Variants in SERPINA11 observed in about 807,000 individuals in gnomAD.
SERPINA11 encodes serpin A11.
A neutral mutation model predicts 29.4 loss-of-function variants in SERPINA11; 28 were observed. That is an observed-to-expected ratio of 0.95 (90% CI 0.70 to 1.30). The LOEUF (loss-of-function observed/expected upper bound fraction) is 1.30. Ranked by LOEUF, SERPINA11 falls within the 50% of genes most tolerant of loss-of-function variation. The pLI, the probability that SERPINA11 is intolerant of heterozygous loss-of-function variation, is 0.00. For missense variants in SERPINA11, 530 were observed against 507.3 expected, an observed-to-expected ratio of 1.04 and a Z score of -0.43; for synonymous variants, 253 against 206.6, an observed-to-expected ratio of 1.22 and a Z score of -1.92.
Position 94,448,599 on chromosome 14 carries a change from A to G in SERPINA11, c.176T>C (p.Leu59Ser). 6.2e-6 allele frequency: 10 copies of G among 1,613,716 alleles called. No homozygotes were observed. The highest frequency in any genetic ancestry group is 8.5e-6 in the Non-Finnish European group (10 of 1,179,698). ...TGCTGCCAGCTCTTTATACAAACGC[A>G]AAGCAAAATTGGTAATGGTGGGTGT... The part of the protein sequence containing the change: ...RITPTITNFA[L>S]RLYKELAADA... Residue 59 changes from leucine (L) to serine (S), a missense_variant, in exon 2 of 5, where the codon TTG (leucine) becomes TCG (serine). Physicochemically the swap from Leu to Ser is moderately radical, Grantham distance 145. Coordinates refer to ENST00000334708, the MANE Select transcript of SERPINA11 (RefSeq NM_001080451.2).
chr14:94,442,599 A>G lies in SERPINA11; in HGVS notation c.*7T>C. 3.1e-6 allele frequency: 5 copies of G among 1,599,802 alleles called. 1 individual carries two copies. The highest frequency in any genetic ancestry group is 4.5e-5 in the East Asian group (2 of 44,366). Reference sequence around the variant, plus strand: ...GAGATAAGATAACTCCTGGCCTCCCACCATGGTTACCCTGCAACTGGGTTG... The same window carrying G: ...GAGATAAGATAACTCCTGGCCTCCCGCCATGGTTACCCTGCAACTGGGTTG... On this transcript the variant is annotated 3_prime_UTR_variant, in exon 5 of 5. Transcript: ENST00000334708.
intron 2 of SERPINA11, among the ~76,000 whole-genome samples, chr14:94,447,838 T>A (rs1399110852): frequency 6.6e-6 from 1 of 152,250 alleles, no homozygotes; most frequent in Non-Finnish European, 1.5e-5. Flanking sequence ...CTCACTCTCA[T>A]GTCTTAGCTT....
At chr14:94,448,085 T>A (rs1898480478) in intron 2 of SERPINA11, 47 bp downstream of exon 2, 1 of 1,573,458 alleles carries the variant, frequency 6.4e-7, no homozygotes, top group African/African-American at 1.4e-5. Flanking sequence ...TGTAAGAGCA[T>A]TTACTTGCAG....
Position 94,448,040 on chromosome 14 carries a change from G to A in SERPINA11, c.643+92C>T, listed in dbSNP as rs538363959. ...CTATCTTATTCATAGATTTCCCCAA[G>A]TGGTTAGCAAAGAACCTATTAGCTG... On this transcript the variant is annotated intron_variant, in intron 2 of 4. Transcript: ENST00000334708. 2.9e-5 allele frequency: 36 copies of A among 1,229,458 alleles called. No homozygotes were observed. In the Admixed American group the frequency reaches 7.4e-4, roughly 25 times the overall value. The allele number at this position is 1,229,458 out of a possible 1,614,324, so 76.2% of individuals were successfully genotyped here.
At chr14:94,452,500 T>C (rs1311803214) in intron 1 of SERPINA11, among the ~76,000 whole-genome samples, 1 of 151,918 alleles carries the variant, frequency 6.6e-6, no homozygotes, top group Non-Finnish European at 1.5e-5. Context: ...AAAAGGAGAT[T>C]GAAAACCTGA....
intron 3 of SERPINA11, among the ~76,000 whole-genome samples, chr14:94,444,556 C>T (rs1269137539): frequency 6.6e-6 from 1 of 152,044 alleles, no homozygotes; most frequent in African/African-American, 2.4e-5. Context: ...GGAGAAGACT[C>T]ACCCCAAAGG....
At chr14:94,452,628 C>G in intron 1 of SERPINA11, 101 bp downstream of exon 1, 1 of 150,758 alleles carries the variant, frequency 6.6e-6, no homozygotes, top group Non-Finnish European at 1.5e-5. Flanking sequence ...CACACACACA[C>G]ACACACACAC....
In SERPINA11 at chr14:94,449,501, CTCTTTCTTTT is replaced by C. The variant is rs1315654896; in HGVS notation, c.-3-734_-3-725del. On this transcript the variant is annotated intron_variant, in intron 1 of 4. Transcript: ENST00000334708. Reference sequence around the variant, plus strand: ...TCTTTCTGTCTGTCTGTCTTTCTTTCTCTTTCTTTTTCTTTCTTTCTTTCTTTTTCTTTCT... The same window carrying C: ...TCTTTCTGTCTGTCTGTCTTTCTTTCTCTTTCTTTCTTTCTTTTTCTTTCT... 1.3e-3 allele frequency among the ~76,000 whole-genome samples: 150 copies of C among 115,050 alleles called. 9 individuals are homozygous for C. The East Asian group carries it at 0.036, about 28-fold the overall frequency. The allele number at this position is 115,050 out of a possible 152,430, so 75.5% of individuals were successfully genotyped here.
In SERPINA11 at chr14:94,445,490, A is replaced by G. The variant is rs549316524; in HGVS notation, c.917+841T>C. 5.0e-4 allele frequency among the ~76,000 whole-genome samples: 76 copies of G among 152,346 alleles called. 1 individual carries two copies. The highest frequency in any genetic ancestry group is 1.8e-3 in the African/African-American group (74 of 41,582). On this transcript the variant is annotated intron_variant, in intron 3 of 4. Transcript: ENST00000334708. Reference sequence around the variant, plus strand: ...GAGATCACATAAAACAGGAACTTTAATGTTTACAATGTTCTTAATATTTAA... The same window carrying G: ...GAGATCACATAAAACAGGAACTTTAGTGTTTACAATGTTCTTAATATTTAA...
intron 1 of SERPINA11, among the ~76,000 whole-genome samples, chr14:94,449,501 CTCTTTCTTTTTCTT>C (rs1271554658): frequency 2.3e-4 from 26 of 115,036 alleles, no homozygotes; most frequent in South Asian, 2.9e-4. Context: ...GTCTTTCTTT[CTCTTTCTTTTTCTT>C]TCTTTCTTTC....
chr14:94,451,618 G>A (rs1001730900), intron 1 of SERPINA11, among the ~76,000 whole-genome samples: 17 of 152,166 alleles, frequency 1.1e-4, no homozygotes, highest in Admixed American at 4.6e-4. Context: ...TTCCCAAAGG[G>A]GATTCAATTG....
Position 94,442,535 on chromosome 14 carries a change from G to T in SERPINA11, c.*71C>A. 2.7e-6 allele frequency: 3 copies of T among 1,104,398 alleles called. No homozygotes were observed. Among genetic ancestry groups the T allele is most frequent in the Non-Finnish European group, 3.9e-6 (3 of 763,080 alleles). The allele number at this position is 1,104,398 out of a possible 1,614,324, so 68.4% of individuals were successfully genotyped here. The stretch of plus-strand genomic sequence containing the variant: ...TAACTGAACCACATAGCAGCCCCAG[G>T]ATGCAGGCTGGTTCTGGCCTATCTG... On this transcript the variant is annotated 3_prime_UTR_variant, in exon 5 of 5. Coordinates refer to ENST00000334708, the MANE Select transcript of SERPINA11 (RefSeq NM_001080451.2).
At position 94,449,511 on chromosome 14, in the gene SERPINA11, T is replaced by C. The variant is rs56269030; in HGVS notation, c.-3-734A>G. Among the ~76,000 whole-genome samples, 257 of 89,344 alleles carry C rather than the reference T, an allele frequency of 2.9e-3. 2 individuals are homozygous for C. Among genetic ancestry groups the C allele is most frequent in the Middle Eastern group, 4.8e-3 (1 of 208 alleles). The allele number at this position is 89,344 out of a possible 152,430, so 58.6% of individuals were successfully genotyped here. The stretch of plus-strand genomic sequence containing the variant: ...TGTCTGTCTTTCTTTCTCTTTCTTT[T>C]TCTTTCTTTCTTTCTTTTTCTTTCT... On this transcript the variant is annotated intron_variant, in intron 1 of 4. Coordinates refer to ENST00000334708, the MANE Select transcript of SERPINA11 (RefSeq NM_001080451.2).
At chr14:94,443,477 A>G (rs562838768) in intron 3 of SERPINA11, among the ~76,000 whole-genome samples, 6 of 152,284 alleles carry the variant, frequency 3.9e-5, no homozygotes, top group Admixed American at 1.3e-4. Flanking sequence ...TGTCTTTGTC[A>G]TCTTCATCAC....
In SERPINA11 at chr14:94,448,151, G is replaced by A; in HGVS notation, c.624C>T (p.Ala208=). The change falls in exon 2 of 5, where the codon GCC becomes GCT. Residue 208 remains alanine (A), a synonymous_variant. Transcript: ENST00000334708. Reference sequence around the variant, plus strand: ...CCTCACCTTTGAAGAAGATGTAATTGGCAAGAACCATGAACGTGTCCTGGC... The same window carrying A: ...CCTCACCTTTGAAGAAGATGTAATTAGCAAGAACCATGAACGTGTCCTGGC... ...EFSQDTFMVL[A]NYIFFKAKWK... The A allele has an allele frequency of 6.2e-7, 1 of 1,613,794 alleles. No individual in the cohort carries two copies. The highest frequency in any genetic ancestry group is 8.5e-7 in the Non-Finnish European group (1 of 1,179,750).
Position 94,442,754 on chromosome 14 carries a change from G to GCAGC in SERPINA11, c.1117_1120dup (p.Ala374GlyfsTer?). 2 of 1,613,430 alleles carry GCAGC rather than the reference G, an allele frequency of 1.2e-6. No homozygotes were observed. The highest frequency in any genetic ancestry group is 1.7e-6 in the Non-Finnish European group (2 of 1,179,848). On this transcript the variant is annotated frameshift_variant, in exon 5 of 5. Transcript: ENST00000334708. LOFTEE classifies it low-confidence loss of function (END_TRUNC). The stretch of plus-strand genomic sequence containing the variant: ...TGGGGGCTGGGAGAGGAGGCCTGAA[G>GCAGC]CAGCCCCGGCCTCGGTCCCCTTCTC...
Position 94,446,444 on chromosome 14 carries a change from G to A in SERPINA11, c.804C>T (p.Tyr268=). 2 of 1,614,152 alleles carry A rather than the reference G, an allele frequency of 1.2e-6. No individual in the cohort carries two copies. The highest frequency in any genetic ancestry group is 1.7e-6 in the Non-Finnish European group (2 of 1,179,974). ...CCAGCAGCGCCAAGGCATTTCCTCT[G>A]TATTCTATCTGGAGGACGGTGCAAG... ...DLACTVLQIE[Y]RGNALALLVL... The change falls in exon 3 of 5, where the codon TAC becomes TAT. Residue 268 remains tyrosine (Y), a synonymous_variant. Coordinates refer to ENST00000334708, the MANE Select transcript of SERPINA11 (RefSeq NM_001080451.2).
At chr14:94,447,934 C>G (rs964855368) in intron 2 of SERPINA11, among the ~76,000 whole-genome samples, 198 bp downstream of exon 2, 1 of 152,232 alleles carries the variant, frequency 6.6e-6, no homozygotes, top group East Asian at 1.9e-4. Context: ...TATGCAAGGA[C>G]AGCATCACCA....
intron 1 of SERPINA11, among the ~76,000 whole-genome samples, chr14:94,452,382 T>G (rs11845116): frequency 0.37 from 56,509 of 151,806 alleles, 11,235 homozygotes; most frequent in South Asian, 0.47. Flanking sequence ...TCTAGTAAAT[T>G]TGCTGCAGCA....
Sources: gnomAD v4.1 joint callset for allele counts (sites outside exome capture counted in the v4.1 genomes callset) on GRCh38, gnomAD v4.1.1 for gene constraint, MANE v1.5 for transcripts, NCBI Gene and HGNC (gene_info 2026-07-23, HGNC 2026-07-21) for gene names.